Variants in EPSTI1 observed in about 807,000 individuals in gnomAD.
EPSTI1 encodes epithelial-stromal interaction protein 1.
EPSTI1 carries 66 observed loss-of-function variants against 49.9 expected under a neutral mutation model. The ratio of observed to expected loss-of-function variants is 1.32; its 90% CI spans 1.08 to 1.62. EPSTI1 has a LOEUF of 1.62. Among genes scored for constraint, EPSTI1 ranks in the 40% most tolerant of loss-of-function variants. The probability of loss-of-function intolerance (pLI) is 0.00; values close to 1 mark genes in which losing one functional copy is unlikely to be tolerated. For synonymous variants in EPSTI1, 137 were observed against 130.7 expected (o/e 1.05, Z -0.33); for missense variants, 394 against 365.5 (o/e 1.08, Z -0.64).
chr13:42,911,095 T>A (rs2037658655), intron 8 of EPSTI1, among the ~76,000 whole-genome samples: 5 of 152,368 alleles, frequency 3.3e-5, no homozygotes, highest in East Asian at 3.8e-4. Flanking sequence ...TAGCTACTTA[T>A]CTTTGCATTC....
intron 7 of EPSTI1, 97 bp from the exon 8 acceptor site, chr13:42,917,721 A>C (rs879208166): frequency 1.2e-6 from 1 of 854,040 alleles, no homozygotes; most frequent in South Asian, 1.6e-5. Context: ...GCCCGGTGCT[A>C]ATAACTCAAC....
chr13:42,989,888 C>T (rs1237451759), intron 1 of EPSTI1, among the ~76,000 whole-genome samples: 1 of 151,906 alleles, frequency 6.6e-6, no homozygotes, highest in Non-Finnish European at 1.5e-5. Flanking sequence ...ACACCATGCC[C>T]GGCCTCTTCA....
intron 6 of EPSTI1, among the ~76,000 whole-genome samples, chr13:42,926,953 T>C (rs923725116): frequency 6.6e-6 from 1 of 151,238 alleles, no homozygotes; most frequent in Non-Finnish European, 1.5e-5. Flanking sequence ...TGGAGCCCTT[T>C]TGGACTCTGA....
intron 6 of EPSTI1, chr13:42,934,950 C>G (rs7331150): frequency 0.51 from 77,586 of 152,426 alleles, 19,765 homozygotes; most frequent in Middle Eastern, 0.55. Flanking sequence ...AAAAAACCTT[C>G]AGCCTTCCTC....
rs556982672 is a variant in EPSTI1, at chr13:42,958,166, GAGGAATCAGAGAAGGAA to G, written c.490-4162_490-4146del. ...AGCCAAATTCAGCCCACCAACAAAT[GAGGAATCAGAGAAGGAA>G]AGGAATCAGAGAAGGTAAGTTCTTA... On this transcript the variant is annotated intron_variant, in intron 5 of 10. Transcript: ENST00000313624. Among the ~76,000 whole-genome samples, 25 of 152,260 alleles carry G rather than the reference GAGGAATCAGAGAAGGAA, an allele frequency of 1.6e-4. No individual in the cohort carries two copies. In the East Asian group the frequency reaches 2.5e-3, roughly 15 times the overall value.
At position 42,963,926 on chromosome 13, in the gene EPSTI1, T is replaced by C. The variant is rs1445632548; in HGVS notation, c.405+140A>G. 3 of 647,750 alleles carry C rather than the reference T, an allele frequency of 4.6e-6. No individual in the cohort carries two copies. The African/African-American group carries it at 5.6e-5, about 12-fold the overall frequency. 40.1% of individuals were successfully genotyped at this position (647,750 alleles called of 1,614,324 possible). ...CTTCACTTCTCACTTCCTGAGAGCT[T>C]TGATTCTGAAAGCTGCCTTTTGCAA... On this transcript the variant is annotated intron_variant, in intron 4 of 10. Coordinates refer to ENST00000313624, the MANE Select transcript of EPSTI1 (RefSeq NM_033255.5).
At chr13:42,901,530 A>G (rs977604637) in intron 8 of EPSTI1, among the ~76,000 whole-genome samples, 2 of 151,716 alleles carry the variant, frequency 1.3e-5, no homozygotes, top group Non-Finnish European at 1.5e-5. Flanking sequence ...TGTCCACTCA[A>G]TAAGCATTTG....
At chr13:42,967,933 C>T (rs58894058) in intron 3 of EPSTI1, among the ~76,000 whole-genome samples, 3,507 of 152,238 alleles carry the variant, frequency 0.023, 139 homozygotes, top group African/African-American at 0.081. Flanking sequence ...CTGAAACAGG[C>T]CTGGGTTAGA....
intron 8 of EPSTI1, among the ~76,000 whole-genome samples, chr13:42,917,065 AT>A (rs2037849719): frequency 6.6e-6 from 1 of 152,274 alleles, no homozygotes; most frequent in African/African-American, 2.4e-5. Context: ...TGCCTCACAT[AT>A]TTTTATACCC....
rs2038860878 is a variant in EPSTI1 at position 42,944,501 on chromosome 13, A to T, written c.563+9447T>A. 2.0e-5 allele frequency among the ~76,000 whole-genome samples: 3 copies of T among 152,050 alleles called. No individual in the cohort carries two copies. In the South Asian group the frequency reaches 6.2e-4, roughly 32 times the overall value. ...ACATGGACACAGGGAGGGGAACATC[A>T]CACACCAGGGCCTGTAATGGGGTGG... On this transcript the variant is annotated intron_variant, in intron 6 of 10. Coordinates refer to ENST00000313624, the MANE Select transcript of EPSTI1 (RefSeq NM_033255.5).
Position 42,917,547 on chromosome 13 carries a change from ATGT to A in EPSTI1, c.732_734del (p.Gln244del), listed in dbSNP as rs754360491. The A allele has an allele frequency of 8.7e-6, 13 of 1,499,316 alleles. No homozygotes were observed. The highest frequency in any genetic ancestry group is 1.2e-5 in the Non-Finnish European group (13 of 1,107,120). The allele number at this position is 1,499,316 out of a possible 1,614,324, so 92.9% of individuals were successfully genotyped here. On this transcript the variant is annotated inframe_deletion, in exon 8 of 11. Transcript: ENST00000313624. Reference sequence around the variant, plus strand: ...AGTAGGGGCTTGTAAGTACCTTTTGATGTTGTTCATCCTTCATCTTTTGCAATT... The same window carrying A: ...AGTAGGGGCTTGTAAGTACCTTTTGATGTTCATCCTTCATCTTTTGCAATT...
chr13:42,910,425 CTAAG>C (rs1210405471), intron 8 of EPSTI1, among the ~76,000 whole-genome samples: 4 of 151,672 alleles, frequency 2.6e-5, no homozygotes, highest in Non-Finnish European at 5.9e-5. Flanking sequence ...CCACACCTGG[CTAAG>C]TTTTAGTAGA....
chr13:42,981,091 ATTTTC>A (rs2039979368), intron 1 of EPSTI1, among the ~76,000 whole-genome samples: 1 of 151,634 alleles, frequency 6.6e-6, no homozygotes, highest in South Asian at 2.1e-4. Context: ...ACTTTAATGG[ATTTTC>A]TTTTAAGTCT....
At chr13:42,931,787 G>A (rs1265946707) in intron 6 of EPSTI1, among the ~76,000 whole-genome samples, 1 of 152,014 alleles carries the variant, frequency 6.6e-6, no homozygotes, top group Non-Finnish European at 1.5e-5. Context: ...CAGCTGAATA[G>A]CATTTTATGA....
intron 10 of EPSTI1, among the ~76,000 whole-genome samples, chr13:42,894,144 G>A (rs190682651): frequency 2.6e-4 from 40 of 152,278 alleles, no homozygotes; most frequent in African/African-American, 9.6e-4. Flanking sequence ...AAAGGTACAT[G>A]CTGTAAGATT....
rs1037796627 is a variant in EPSTI1 at position 42,922,352 on chromosome 13, G to A, written c.657+3984C>T. 6.6e-6 allele frequency among the ~76,000 whole-genome samples: 1 copy of A among 152,284 alleles called. No homozygotes were observed. The highest frequency in any genetic ancestry group is 1.9e-4 in the East Asian group (1 of 5,178). ...GGAAGTGGAGAGATTAGCCTGGATAGTCCAGGTGGGCCCATTGTAATCAAA... is the reference window on the plus strand; with the variant it reads ...GGAAGTGGAGAGATTAGCCTGGATAATCCAGGTGGGCCCATTGTAATCAAA... On this transcript the variant is annotated intron_variant, in intron 7 of 10. Transcript: ENST00000313624. This position sits in a 1 kb window ranked among gnomAD's most constrained non-coding sequence, Gnocchi z 4.8.
At chr13:42,960,747 G>A (rs752742213) in intron 5 of EPSTI1, among the ~76,000 whole-genome samples, 1 of 152,190 alleles carries the variant, frequency 6.6e-6, no homozygotes, top group Non-Finnish European at 1.5e-5. Flanking sequence ...AGCTTCTAGA[G>A]GCTACCCACA....
At position 42,919,472 on chromosome 13, in the gene EPSTI1, A is replaced by T. The variant is rs535063995; in HGVS notation, c.658-1848T>A. ...TAATACAATACCAATGCTATATTTTATCATTCAACCAAAATACACCTTTAT... is the reference window on the plus strand; with the variant it reads ...TAATACAATACCAATGCTATATTTTTTCATTCAACCAAAATACACCTTTAT... On this transcript the variant is annotated intron_variant, in intron 7 of 10. Transcript: ENST00000313624. 33 of 761,608 alleles carry T rather than the reference A, an allele frequency of 4.3e-5. No individual in the cohort carries two copies. The African/African-American group carries it at 4.4e-4, about 10-fold the overall frequency. 47.2% of individuals were successfully genotyped at this position (761,608 alleles called of 1,614,324 possible).
chr13:42,943,263 C>T (rs1043160321), intron 6 of EPSTI1, among the ~76,000 whole-genome samples: 2 of 152,178 alleles, frequency 1.3e-5, no homozygotes, highest in Non-Finnish European at 2.9e-5. Flanking sequence ...GGCCCCAGGG[C>T]CTTCTTAGTG....
Sources: gnomAD v4.1 joint callset for allele counts (sites outside exome capture counted in the v4.1 genomes callset) on GRCh38, gnomAD v4.1.1 for gene constraint, Gnocchi (gnomAD v3.1) non-coding constraint, MANE v1.5 for transcripts, NCBI Gene and HGNC (gene_info 2026-07-23, HGNC 2026-07-21) for gene names.